EYA4: variants seen among roughly 807,000 people sequenced by gnomAD.
EYA4 encodes EYA transcriptional coactivator and phosphatase 4, also known as protein phosphatase EYA4.
A neutral mutation model predicts 87.9 loss-of-function variants in EYA4; 31 were observed. The ratio of observed to expected loss-of-function variants is 0.35; its 90% CI spans 0.27 to 0.48. The LOEUF (loss-of-function observed/expected upper bound fraction) is 0.48. Ranked by LOEUF, EYA4 falls within the 20% of genes least tolerant of loss-of-function variation. The pLI, the probability that EYA4 is intolerant of heterozygous loss-of-function variation, is 0.99. For synonymous variants in EYA4, 263 were observed against 270.6 expected (o/e 0.97, Z 0.28); for missense variants, 678 against 761.4 (o/e 0.89, Z 1.29).
At chr6:133,273,507 C>T (rs1811876) in intron 1 of EYA4, among the ~76,000 whole-genome samples, 42,314 of 151,872 alleles carry the variant, frequency 0.28, 6,533 homozygotes, top group East Asian at 0.49. Context: ...CCACAGTGTC[C>T]GATTGTTTCT....
chr6:133,358,041 G>A (rs1330026045), intron 2 of EYA4, among the ~76,000 whole-genome samples: 1 of 152,052 alleles, frequency 6.6e-6, no homozygotes, highest in Non-Finnish European at 1.5e-5. Context: ...TTGAATTAAA[G>A]CAAATGTTAA....
chr6:133,344,754 T>C (rs1783068992), intron 2 of EYA4, among the ~76,000 whole-genome samples: 1 of 152,318 alleles, frequency 6.6e-6, no homozygotes, highest in Non-Finnish European at 1.5e-5. Context: ...ACCCAAATTA[T>C]GGATTTTGAT....
rs1800858557 is a variant in EYA4, at chr6:133,529,146, A to C, written c.*341A>C. 1 of 1,182,476 alleles carries C rather than the reference A, an allele frequency of 8.5e-7. No homozygotes were observed. The highest frequency in any genetic ancestry group is 1.6e-5 in the African/African-American group (1 of 62,738). The allele number at this position is 1,182,476 out of a possible 1,614,324, so 73.2% of individuals were successfully genotyped here. On this transcript the variant is annotated 3_prime_UTR_variant, in exon 20 of 20. Coordinates refer to ENST00000355286, the MANE Select transcript of EYA4 (RefSeq NM_004100.5). ...AGCAACACACATGCTCCGTCTGACA[A>C]GGTGGTCAACAACATTCCTCAAAAT...
chr6:133,390,925 TA>T (rs1787211181), intron 3 of EYA4, among the ~76,000 whole-genome samples: 2 of 152,034 alleles, frequency 1.3e-5, no homozygotes, highest in African/African-American at 4.8e-5. Context: ...AAAGAATAGA[TA>T]AATTTTGAAG....
At chr6:133,468,482 A>G in intron 10 of EYA4, 84 bp from the exon 11 acceptor site, 3 of 1,113,066 alleles carry the variant, frequency 2.7e-6, no homozygotes. Flanking sequence ...CTAATCTTTC[A>G]GTTACCATAA....
chr6:133,262,668 G>A (rs544753339), intron 1 of EYA4, among the ~76,000 whole-genome samples: 3 of 152,268 alleles, frequency 2.0e-5, no homozygotes, highest in South Asian at 2.1e-4. Flanking sequence ...TATGACAAAT[G>A]ACCCAAATGA....
intron 2 of EYA4, among the ~76,000 whole-genome samples, chr6:133,290,575 A>T (rs372697767): frequency 6.6e-6 from 1 of 152,146 alleles, no homozygotes; most frequent in Non-Finnish European, 1.5e-5. Context: ...CAGGGTTTTT[A>T]GGGAGATTCT....
Position 133,481,522 on chromosome 6 carries a change from T to C in EYA4, c.1030T>C (p.Cys344Arg), listed in dbSNP as rs746881392. 6.2e-7 allele frequency: 1 copy of C among 1,613,792 alleles called. No homozygotes were observed. Among genetic ancestry groups the C allele is most frequent in the Non-Finnish European group, 8.5e-7 (1 of 1,179,772 alleles). The change falls in exon 12 of 20, where the codon TGT (cysteine) becomes CGT (arginine). Residue 344 changes from cysteine to arginine, a missense_variant. By Grantham distance (180) the Cys-to-Arg change is radical. Coordinates refer to ENST00000355286, the MANE Select transcript of EYA4 (RefSeq NM_004100.5). ...TPIKDLDERT[C>R]RSSGSKSRGR... is the part of the protein sequence containing the mutation. ...CATCAAAGATCTTGATGAGAGAACC[T>C]GTAGGAGTTCTGGGTCAAAGTCCAG...
intron 11 of EYA4, among the ~76,000 whole-genome samples, chr6:133,477,156 G>T (rs549925908): frequency 2.3e-4 from 35 of 151,998 alleles, no homozygotes; most frequent in African/African-American, 8.0e-4. Flanking sequence ...TCTTTCCTTT[G>T]TAAATTACCC....
At chr6:133,389,920 T>A (rs1474588610) in intron 3 of EYA4, among the ~76,000 whole-genome samples, 5 of 152,098 alleles carry the variant, frequency 3.3e-5, no homozygotes, top group Admixed American at 1.3e-4. Flanking sequence ...CCACCTCACC[T>A]CTGAATGAAT....
chr6:133,305,720 C>G (rs372128996), intron 2 of EYA4, among the ~76,000 whole-genome samples: 2 of 152,092 alleles, frequency 1.3e-5, no homozygotes, highest in Admixed American at 1.3e-4. Context: ...AAGGTGGTAG[C>G]TCTCCTTACA....
intron 13 of EYA4, among the ~76,000 whole-genome samples, chr6:133,495,603 T>G (rs1044402784): frequency 1.3e-5 from 2 of 152,220 alleles, no homozygotes; most frequent in East Asian, 3.9e-4. Flanking sequence ...TATTATTGTC[T>G]GCTATGCAGA....
At chr6:133,403,423 C>T (rs1376188340) in intron 3 of EYA4, among the ~76,000 whole-genome samples, 1 of 152,158 alleles carries the variant, frequency 6.6e-6, no homozygotes, top group African/African-American at 2.4e-5. Context: ...TTTTAGAGGA[C>T]ATAGTCACAT....
At chr6:133,357,925 T>TATATATATATATAATATAATTTCTCAA (rs1562326406) in intron 2 of EYA4, among the ~76,000 whole-genome samples, 5 of 151,742 alleles carry the variant, frequency 3.3e-5, no homozygotes, top group Non-Finnish European at 7.4e-5. Context: ...TAATATGAAA[T>TATATATATATATAATATAATTTCTCAA]ATATATTTGA....
chr6:133,375,347 C>A (rs1785593541), intron 2 of EYA4, among the ~76,000 whole-genome samples: 1 of 151,858 alleles, frequency 6.6e-6, no homozygotes. Flanking sequence ...TATATATTTT[C>A]TTTCACACCT....
At chr6:133,251,950 A>G (rs1473877302) in intron 1 of EYA4, among the ~76,000 whole-genome samples, 1 of 152,240 alleles carries the variant, frequency 6.6e-6, no homozygotes, top group African/African-American at 2.4e-5. Context: ...CTGTGTTGAT[A>G]GATTAACTTT....
At chr6:133,259,973 GA>G (rs1775663170) in intron 1 of EYA4, among the ~76,000 whole-genome samples, 1 of 152,106 alleles carries the variant, frequency 6.6e-6, no homozygotes, top group Non-Finnish European at 1.5e-5. Flanking sequence ...TATTTCTTTA[GA>G]TGTATCTAAT....
At chr6:133,358,575 T>C (rs1425261571) in intron 2 of EYA4, among the ~76,000 whole-genome samples, 3 of 152,222 alleles carry the variant, frequency 2.0e-5, no homozygotes, top group Non-Finnish European at 4.4e-5. Context: ...ACTATTTTGA[T>C]TGAGCATTTT....
chr6:133,420,643 A>C lies in EYA4; in HGVS notation c.84-25987A>C, dbSNP rs116701184. On this transcript the variant is annotated intron_variant, in intron 3 of 19. Coordinates refer to ENST00000355286, the MANE Select transcript of EYA4 (RefSeq NM_004100.5). ...TTTGCTTATATTATAACAACATCCA[A>C]AGCAGGGACAACCTTGATGACCTTG... Among the ~76,000 whole-genome samples, 1,095 of 152,320 alleles carry C rather than the reference A, an allele frequency of 7.2e-3. 16 individuals are homozygous for C. The highest frequency in any genetic ancestry group is 0.025 in the African/African-American group (1,027 of 41,566).
Sources: gnomAD v4.1 joint callset for allele counts (sites outside exome capture counted in the v4.1 genomes callset) on GRCh38, gnomAD v4.1.1 for gene constraint, MANE v1.5 for transcripts, NCBI Gene and HGNC (gene_info 2026-07-23, HGNC 2026-07-21) for gene names.